The following CACNA1S variants were observed in gnomAD, a reference collection of about 807,000 sequenced individuals.
CACNA1S encodes the protein voltage-dependent L-type calcium channel subunit alpha-1S.
CACNA1S carries 126 observed loss-of-function variants against 207.4 expected under a neutral mutation model. That is an observed-to-expected ratio of 0.61 (90% CI 0.53 to 0.70). The LOEUF (loss-of-function observed/expected upper bound fraction) is 0.70. Among genes scored for constraint, CACNA1S ranks in the 30% least tolerant of loss-of-function variants. The probability of loss-of-function intolerance (pLI) is 0.00; values close to 1 mark genes in which losing one functional copy is unlikely to be tolerated. For synonymous variants in CACNA1S, 960 were observed against 932.7 expected (o/e 1.03, Z -0.53); for missense variants, 2,349 against 2,422.8 (o/e 0.97, Z 0.64).
At chr1:201,040,870 G>A (rs1345870336) in intron 41 of CACNA1S, among the ~76,000 whole-genome samples, 157 bp from the exon 42 acceptor site, 2 of 151,618 alleles carry the variant, frequency 1.3e-5, no homozygotes, top group African/African-American at 4.9e-5. Flanking sequence ...ACATGATGAG[G>A]CCCAATCAAC....
In CACNA1S at chr1:201,093,875, C is replaced by T; in HGVS notation, c.398+7G>A. ...TGACCTTCAGTCTCCCCACACCCAGCTCTCACCCCAGGAAGACAATGGTGA... is the reference window on the plus strand; with the variant it reads ...TGACCTTCAGTCTCCCCACACCCAGTTCTCACCCCAGGAAGACAATGGTGA... On this transcript the variant is annotated splice_region_variant and intron_variant, in intron 3 of 43. Transcript: ENST00000362061. 1 of 1,613,968 alleles carries T rather than the reference C, an allele frequency of 6.2e-7. No individual in the cohort carries two copies.
At chr1:201,041,682 A>G (rs977030419) in intron 40 of CACNA1S, 93 bp from the exon 41 acceptor site, 2 of 959,606 alleles carry the variant, frequency 2.1e-6, no homozygotes, top group African/African-American at 1.6e-5. Flanking sequence ...TTTCCCTCAG[A>G]GCCTGTACAA....
intron 28 of CACNA1S, among the ~76,000 whole-genome samples, chr1:201,055,718 C>T (rs1660817209): frequency 6.6e-6 from 1 of 152,128 alleles, no homozygotes; most frequent in Admixed American, 6.5e-5. Context: ...TAGTCCTTTC[C>T]CTGGTTTGTA....
chr1:201,051,386 A>G (rs1039250776), intron 32 of CACNA1S, among the ~76,000 whole-genome samples: 16 of 152,158 alleles, frequency 1.1e-4, no homozygotes, highest in Admixed American at 5.9e-4. Flanking sequence ...AGAGGGCAAA[A>G]TCAATCTGAT....
chr1:201,069,583 G>T lies in CACNA1S; in HGVS notation c.2379C>A (p.His793Gln), dbSNP rs1406452655. Residue 793 changes from histidine (H) to glutamine (Q), a missense_variant, in exon 18 of 44, where the codon CAC becomes CAA. Transcript: ENST00000362061. The stretch of plus-strand genomic sequence containing the variant: ...TAAACCAGGTGGCATTGACGATGCG[G>T]TGACACAGGACACGGATCCTGGTGG... ...SPTNKIRVLC[H>Q]RIVNATWFTN... 3 of 1,558,942 alleles carry T rather than the reference G, an allele frequency of 1.9e-6. No homozygotes were observed. Among genetic ancestry groups the T allele is most frequent in the Non-Finnish European group, 2.6e-6 (3 of 1,150,540 alleles).
Position 201,075,536 on chromosome 1 carries a change from A to T in CACNA1S, c.1907T>A (p.Leu636His). 3.1e-6 allele frequency: 5 copies of T among 1,614,112 alleles called. No homozygotes were observed. The highest frequency in any genetic ancestry group is 4.2e-6 in the Non-Finnish European group (5 of 1,180,030). Residue 636 changes from leucine (L) to histidine (H), a missense_variant, in exon 13 of 44, where the codon CTT becomes CAT. Physicochemically the swap from Leu to His is moderately conservative, Grantham distance 99 (BLOSUM62 -3). Transcript: ENST00000362061. The stretch of plus-strand genomic sequence containing the variant: ...AAGGATGATGAAGTAAATGCACACA[A>T]GCATGCCAGGGTAGGACGGCCCGCC... ...AYGGPSYPGM[L>H]VCIYFIILFV...
At chr1:201,076,878 A>G (rs1168491805) in intron 12 of CACNA1S, 42 bp downstream of exon 12, 2 of 1,563,500 alleles carry the variant, frequency 1.3e-6, no homozygotes, top group African/African-American at 1.4e-5. Context: ...AGCAGGATTC[A>G]GCAACCGTTC....
intron 28 of CACNA1S, among the ~76,000 whole-genome samples, chr1:201,057,074 T>C (rs1004890194): frequency 2.0e-5 from 3 of 152,206 alleles, no homozygotes; most frequent in Admixed American, 1.3e-4. Context: ...ACAGTGATTG[T>C]TTTAGAACTA....
chr1:201,053,345 T>C lies in CACNA1S; in HGVS notation c.3796-71A>G, dbSNP rs1660724581. ...GTGTGTCTGCAGCCCTGCCCTCTGT[T>C]AGCTCCCCAGGGCTCTGCCTTGCCC... On this transcript the variant is annotated intron_variant, in intron 30 of 43. Coordinates refer to ENST00000362061, the MANE Select transcript of CACNA1S (RefSeq NM_000069.3). This position sits in a 1 kb window ranked among gnomAD's most constrained non-coding sequence, Gnocchi z 5.1. 6.2e-7 allele frequency: 1 copy of C among 1,610,234 alleles called. No individual in the cohort carries two copies. The highest frequency in any genetic ancestry group is 1.3e-5 in the African/African-American group (1 of 74,756).
In CACNA1S at chr1:201,066,817, T is replaced by C. The variant is rs939986293; in HGVS notation, c.2657+70A>G. 18 of 1,156,264 alleles carry C rather than the reference T, an allele frequency of 1.6e-5. No homozygotes were observed. The highest frequency in any genetic ancestry group is 2.0e-5 in the Non-Finnish European group (16 of 780,802). 71.6% of individuals were successfully genotyped at this position (1,156,264 alleles called of 1,614,324 possible). ...AGGGGCCCACCAACATGGGTGGGAC[T>C]CCCACTACAAAGCCCTGGCACAGAG... On this transcript the variant is annotated intron_variant, in intron 20 of 43. Coordinates refer to ENST00000362061, the MANE Select transcript of CACNA1S (RefSeq NM_000069.3). The surrounding 1 kb of genome is among the most constrained non-coding windows in gnomAD (Gnocchi z 4.3).
Position 201,061,321 on chromosome 1 carries a change from G to A in CACNA1S, c.3201C>T (p.Thr1067=). 1 of 1,614,226 alleles carries A rather than the reference G, an allele frequency of 6.2e-7. No homozygotes were observed. The highest frequency in any genetic ancestry group is 1.1e-5 in the South Asian group (1 of 91,076). ...MNIFVGFVIV[T]FQEQGETEYK... is the part of the protein sequence containing the mutation. ...ACTCAGTCTCTCCCTGCTCCTGGAA[G>A]GTGACAATGACGAAGCCCACAAAGA... is the stretch of plus-strand genomic sequence containing the variant. Residue 1067 remains threonine, a synonymous_variant, in exon 25 of 44, where the codon ACC becomes ACT. Transcript: ENST00000362061.
intron 24 of CACNA1S, 140 bp from the exon 25 acceptor site, chr1:201,061,608 A>G: frequency 1.2e-6 from 1 of 817,878 alleles, no homozygotes; most frequent in Non-Finnish European, 1.9e-6. Context: ...GACAGGAGTT[A>G]GGTCGGCGCC....
At chr1:201,098,185 G>A (rs1427938998) in intron 2 of CACNA1S, among the ~76,000 whole-genome samples, 1 of 152,210 alleles carries the variant, frequency 6.6e-6, no homozygotes, top group Non-Finnish European at 1.5e-5. Context: ...ACTGCATCTA[G>A]AACAGTGCCT....
chr1:201,112,118 C>T (rs1663137645), intron 1 of CACNA1S, 70 bp downstream of exon 1: 6 of 1,507,886 alleles, frequency 4.0e-6, no homozygotes, highest in Non-Finnish European at 4.5e-6. Flanking sequence ...GAAGTTTGTG[C>T]TCTGTGATCA....
intron 22 of CACNA1S, among the ~76,000 whole-genome samples, chr1:201,064,319 G>A (rs997564489): frequency 1.3e-5 from 2 of 152,202 alleles, no homozygotes; most frequent in African/African-American, 4.8e-5. Flanking sequence ...GCTGCACGCA[G>A]CTGGCAGAGT....
intron 5 of CACNA1S, among the ~76,000 whole-genome samples, chr1:201,090,074 C>T (rs563911959): frequency 6.6e-6 from 1 of 152,314 alleles, no homozygotes; most frequent in Non-Finnish European, 1.5e-5. Context: ...TTACAGTCTC[C>T]TTTTGTGTTC....
At position 201,044,184 on chromosome 1, in the gene CACNA1S, GGGT is replaced by G. The variant is rs553414031; in HGVS notation, c.4797+141_4797+143del. 1.1e-3 allele frequency: 993 copies of G among 881,934 alleles called. 5 individuals carry two copies. Among genetic ancestry groups the G allele is most frequent in the Non-Finnish European group, 1.6e-3 (870 of 556,218 alleles). The allele number at this position is 881,934 out of a possible 1,614,324, so 54.6% of individuals were successfully genotyped here. A position where few individuals can be genotyped will look rare whatever the true frequency, so the allele number is the denominator to read the frequency against. ...ATTGATTCTGAGTCCCAGGAGAGGT[GGGT>G]GGTGAAGTGGAGAGACGGAGTGGGG... On this transcript the variant is annotated intron_variant, in intron 39 of 43. Transcript: ENST00000362061.
chr1:201,060,758 T>G lies in CACNA1S; in HGVS notation c.3314A>C (p.Asn1105Thr), dbSNP rs1202575252. 6.2e-7 allele frequency: 1 copy of G among 1,613,856 alleles called. No homozygotes were observed. The highest frequency in any genetic ancestry group is 1.7e-5 in the Admixed American group (1 of 59,976). ...ARPLRCYIPK[N>T]PYQYQVWYIV... is the part of the protein sequence containing the mutation. The stretch of plus-strand genomic sequence containing the variant: ...GTACCACACCTGGTACTGGTATGGG[T>G]TTTTGGGAATGTAGCACCTCAGTGG... The change falls in exon 26 of 44, where the codon AAC becomes ACC. Residue 1105 changes from asparagine (N) to threonine (T), a missense_variant. Physicochemically the swap from Asn to Thr is moderately conservative, Grantham distance 65. Transcript: ENST00000362061.
At chr1:201,112,126 T>G in intron 1 of CACNA1S, 62 bp downstream of exon 1, 1 of 1,536,568 alleles carries the variant, frequency 6.5e-7, no homozygotes, top group South Asian at 1.2e-5. Context: ...TGCTCTGTGA[T>G]CACCCCGAAT....
Sources: gnomAD v4.1 joint callset for allele counts (sites outside exome capture counted in the v4.1 genomes callset) on GRCh38, gnomAD v4.1.1 for gene constraint, Gnocchi (gnomAD v3.1) non-coding constraint, MANE v1.5 for transcripts, NCBI Gene and HGNC (gene_info 2026-07-23, HGNC 2026-07-21) for gene names.